Variants in CTBP1 observed in about 807,000 individuals in gnomAD.
The protein encoded by CTBP1 is C-terminal-binding protein 1.
CTBP1 carries 11 observed loss-of-function variants against 42.1 expected under a neutral mutation model. The ratio of observed to expected loss-of-function variants is 0.26; its 90% confidence interval spans 0.16 to 0.43. The LOEUF is 0.43. Among genes scored for constraint, CTBP1 ranks in the 20% least tolerant of loss-of-function variants. CTBP1 has a pLI of 1.00. For synonymous variants in CTBP1, 324 were observed against 277.1 expected, an observed-to-expected ratio of 1.17 and a Z score of -1.68; for missense variants, 399 against 624.3, an observed-to-expected ratio of 0.64 and a Z score of 3.85.
At position 1,212,213 on chromosome 4, in the gene CTBP1, C is replaced by A. The variant is rs371763271; in HGVS notation, c.*27G>T. 49 of 1,413,512 alleles carry A rather than the reference C, an allele frequency of 3.5e-5. No individual in the cohort carries two copies. Among genetic ancestry groups the A allele is most frequent in the Admixed American group, 1.3e-4 (4 of 31,854 alleles). The allele number at this position is 1,413,512 out of a possible 1,614,324, so 87.6% of individuals were successfully genotyped here. A position where few individuals can be genotyped will look rare whatever the true frequency, so the allele number is the denominator to read the frequency against. ...AGGGTTTCCGGGCCCTCTGCCCAGG[C>A]GCCGAGGCTGGAGAGCTCCTCCCGG... On this transcript the variant is annotated 3_prime_UTR_variant, in exon 10 of 10. Transcript: ENST00000382952.
At chr4:1,240,302 G>C (rs560809391) in intron 2 of CTBP1, among the ~76,000 whole-genome samples, 2 of 145,692 alleles carry the variant, frequency 1.4e-5, no homozygotes, top group Admixed American at 6.8e-5. Flanking sequence ...GGGGACTCCC[G>C]GGTGCTGGGT....
chr4:1,221,080 A>C (rs1225723914), intron 5 of CTBP1, among the ~76,000 whole-genome samples: 2 of 152,270 alleles, frequency 1.3e-5, no homozygotes, highest in African/African-American at 4.8e-5. Flanking sequence ...TTTTGAAATT[A>C]TGAAAATATC....
At chr4:1,220,240 G>A (rs1296955062) in intron 5 of CTBP1, among the ~76,000 whole-genome samples, 6 of 143,956 alleles carry the variant, frequency 4.2e-5, no homozygotes, top group East Asian at 4.0e-4. Flanking sequence ...GCAGTGTGCC[G>A]AAATCACGCC....
chr4:1,228,405 G>T (rs375800852), intron 3 of CTBP1, 62 bp from the exon 4 acceptor site: 44 of 1,571,248 alleles, frequency 2.8e-5, no homozygotes, highest in Middle Eastern at 1.7e-4. Context: ...TTGGCCTTCG[G>T]GGGTGGGGCT....
chr4:1,243,534 G>C, intron 1 of CTBP1: 1 of 985,380 alleles, frequency 1.0e-6, no homozygotes, highest in Non-Finnish European at 1.2e-6. Context: ...CCCTGGGGTA[G>C]GTCTGCCCAC....
chr4:1,229,466 G>A (rs1039344164), intron 3 of CTBP1, among the ~76,000 whole-genome samples: 1 of 152,216 alleles, frequency 6.6e-6, no homozygotes, highest in Non-Finnish European at 1.5e-5. Flanking sequence ...CTCCCATGTG[G>A]ACATGACTCC....
chr4:1,238,603 TCCCCTCCGAGACCCTCCAAGG>T lies in CTBP1; in HGVS notation c.8-287_8-267del, dbSNP rs1185429789. Among the ~76,000 whole-genome samples the T allele has an allele frequency of 2.7e-5, 4 of 147,492 alleles. No individual in the cohort carries two copies. The highest frequency in any genetic ancestry group is 6.0e-5 in the Non-Finnish European group (4 of 66,640). The stretch of plus-strand genomic sequence containing the variant: ...CACAGGACCTCCGAGACCCTCCAAG[TCCCCTCCGAGACCCTCCAAGG>T]CCCCTCCGAGATCCTCCCAGACCCT... On this transcript the variant is annotated intron_variant, in intron 2 of 9. Coordinates refer to ENST00000382952, the MANE Select transcript of CTBP1 (RefSeq NM_001012614.2). The surrounding 1 kb of genome is among the most constrained non-coding windows in gnomAD (Gnocchi z 5.9).
At position 1,212,191 on chromosome 4, in the gene CTBP1, G is replaced by A; in HGVS notation, c.*49C>T. On this transcript the variant is annotated 3_prime_UTR_variant, in exon 10 of 10. Transcript: ENST00000382952. ...CTCCTCCACACACTCTGGTCCGAGG[G>A]TTTCCGGGCCCTCTGCCCAGGCGCC... The A allele has an allele frequency of 7.2e-7, 1 of 1,382,194 alleles. No homozygotes were observed. The highest frequency in any genetic ancestry group is 9.5e-7 in the Non-Finnish European group (1 of 1,057,916). 85.6% of individuals were successfully genotyped at this position (1,382,194 alleles called of 1,614,324 possible).
chr4:1,247,589 C>G (rs1732850322), intron 1 of CTBP1, among the ~76,000 whole-genome samples: 1 of 152,170 alleles, frequency 6.6e-6, no homozygotes, highest in East Asian at 1.9e-4. Flanking sequence ...AATAGTTACC[C>G]CACGGTTCTC....
Position 1,229,309 on chromosome 4 carries a change from G to A in CTBP1, c.163-966C>T, listed in dbSNP as rs112580653. Among the ~76,000 whole-genome samples, 362 of 152,320 alleles carry A rather than the reference G, an allele frequency of 2.4e-3. 1 individual carries two copies. Among genetic ancestry groups the A allele is most frequent in the African/African-American group, 8.2e-3 (342 of 41,560 alleles). The stretch of plus-strand genomic sequence containing the variant: ...CACCCACACCCAAACACATCCACCC[G>A]CACACGTCCATCCCACACTCCCGTG... On this transcript the variant is annotated intron_variant, in intron 3 of 9. Coordinates refer to ENST00000382952, the MANE Select transcript of CTBP1 (RefSeq NM_001012614.2).
intron 5 of CTBP1, among the ~76,000 whole-genome samples, chr4:1,220,341 G>T (rs1389568729): frequency 1.3e-5 from 2 of 150,978 alleles, no homozygotes; most frequent in Non-Finnish European, 2.9e-5. Context: ...CATTACAAAT[G>T]CCAAATGCCT....
Position 1,238,694 on chromosome 4 carries a change from G to A in CTBP1, c.8-357C>T, listed in dbSNP as rs573272590. Among the ~76,000 whole-genome samples, 1 of 149,340 alleles carries A rather than the reference G, an allele frequency of 6.7e-6. No homozygotes were observed. Among genetic ancestry groups the A allele is most frequent in the Non-Finnish European group, 1.5e-5 (1 of 67,258 alleles). The stretch of plus-strand genomic sequence containing the variant: ...TCCAAGACCCTCCGAGACCCCCCAA[G>A]AAATCTCCAGACCCTCTGAGAACCT... On this transcript the variant is annotated intron_variant, in intron 2 of 9. Coordinates refer to ENST00000382952, the MANE Select transcript of CTBP1 (RefSeq NM_001012614.2). This position sits in a 1 kb window ranked among gnomAD's most constrained non-coding sequence, Gnocchi z 5.9.
upstream of CTBP1, chr4:1,250,309 A>G (rs977797151): frequency 2.6e-5 from 7 of 269,220 alleles, no homozygotes; most frequent in Non-Finnish European, 5.3e-5. Flanking sequence ...GTTCTGTTCT[A>G]AGATCGGGCT....
At chr4:1,226,853 G>C (rs896435956) in intron 4 of CTBP1, among the ~76,000 whole-genome samples, 16 of 151,728 alleles carry the variant, frequency 1.1e-4, no homozygotes, top group African/African-American at 3.9e-4. Context: ...GCCAGTGCAG[G>C]AGACCCCCAG....
Position 1,238,138 on chromosome 4 carries a change from C to T in CTBP1, c.162+45G>A, listed in dbSNP as rs371939393. On this transcript the variant is annotated intron_variant, in intron 3 of 9. Coordinates refer to ENST00000382952, the MANE Select transcript of CTBP1 (RefSeq NM_001012614.2). The surrounding 1 kb of genome is among the most constrained non-coding windows in gnomAD (Gnocchi z 5.9). ...CCGTGCTCCCGTCCCTCCAACTCCCCCCAACGTGCGGTTCTGCCAGCCCCA... is the reference window on the plus strand; with the variant it reads ...CCGTGCTCCCGTCCCTCCAACTCCCTCCAACGTGCGGTTCTGCCAGCCCCA... 2 of 1,611,952 alleles carry T rather than the reference C, an allele frequency of 1.2e-6. No homozygotes were observed. Among genetic ancestry groups the T allele is most frequent in the Non-Finnish European group, 1.7e-6 (2 of 1,179,408 alleles).
chr4:1,234,511 A>G (rs894657386), intron 3 of CTBP1, among the ~76,000 whole-genome samples: 1 of 152,228 alleles, frequency 6.6e-6, no homozygotes, highest in African/African-American at 2.4e-5. Context: ...GGTGGGGAGC[A>G]GGAAGTCTGT....
intron 7 of CTBP1, 48 bp downstream of exon 7, chr4:1,214,295 G>C: frequency 6.6e-7 from 1 of 1,503,924 alleles, no homozygotes; most frequent in East Asian, 2.7e-5. Flanking sequence ...AGGCCGGCAG[G>C]ATGGTGGACA....
At chr4:1,242,511 C>G (rs1157120888) in intron 1 of CTBP1, 1 of 984,968 alleles carries the variant, frequency 1.0e-6, no homozygotes, top group Non-Finnish European at 1.2e-6. Flanking sequence ...GCAGACAAAT[C>G]TCCAACCCTC....
chr4:1,224,983 G>C (rs1365129970), intron 5 of CTBP1, among the ~76,000 whole-genome samples: 1 of 151,984 alleles, frequency 6.6e-6, no homozygotes, highest in Non-Finnish European at 1.5e-5. Flanking sequence ...GTGAGGCTGT[G>C]TACTGTGACA....
Sources: allele counts gnomAD v4.1 joint callset (sites outside exome capture counted in the v4.1 genomes callset), GRCh38; gene constraint gnomAD v4.1.1; non-coding constraint Gnocchi (gnomAD v3.1); transcripts MANE v1.5; gene names NCBI Gene and HGNC (gene_info 2026-07-23, HGNC 2026-07-21).